The following IGF2BP3 variants were observed in gnomAD, a reference collection of about 807,000 sequenced individuals.
The protein encoded by IGF2BP3 is insulin-like growth factor 2 mRNA-binding protein 3.
IGF2BP3 carries 9 observed loss-of-function variants against 73.8 expected under a neutral mutation model. The ratio of observed to expected loss-of-function variants is 0.12; its 90% CI spans 0.07 to 0.21. The LOEUF (loss-of-function observed/expected upper bound fraction) is 0.21, where lower values mean the gene tolerates loss of function less well. Ranked by LOEUF, IGF2BP3 falls within the 10% of genes least tolerant of loss-of-function variation. IGF2BP3 has a pLI of 1.00. For synonymous variants in IGF2BP3, 258 were observed against 256.7 expected, an observed-to-expected ratio of 1.01 and a Z score of -0.05; for missense variants, 542 against 714.0, an observed-to-expected ratio of 0.76 and a Z score of 2.75.
chr7:23,363,621 G>C (rs571333480), intron 3 of IGF2BP3, among the ~76,000 whole-genome samples: 2 of 152,260 alleles, frequency 1.3e-5, no homozygotes, highest in Non-Finnish European at 2.9e-5. Context: ...AATTTCCTTT[G>C]CATGAGGTAA....
chr7:23,418,870 CA>C, intron 2 of IGF2BP3, 46 bp from the exon 3 acceptor site: 1 of 1,288,908 alleles, frequency 7.8e-7, no homozygotes, highest in Non-Finnish European at 1.1e-6. Context: ...AACATAAAAG[CA>C]AAACAATAAT....
At chr7:23,422,411 G>A (rs145323607) in intron 2 of IGF2BP3, among the ~76,000 whole-genome samples, 13 of 152,122 alleles carry the variant, frequency 8.5e-5, no homozygotes, top group African/African-American at 2.7e-4. Flanking sequence ...TAAAATTAGC[G>A]TGGTGTGGTG....
At chr7:23,331,130 TTTA>T (rs1181719455) in intron 10 of IGF2BP3, among the ~76,000 whole-genome samples, 4 of 152,206 alleles carry the variant, frequency 2.6e-5, no homozygotes, top group African/African-American at 9.6e-5. Context: ...AAAGGCATGA[TTTA>T]TACTAAGATG....
intron 10 of IGF2BP3, among the ~76,000 whole-genome samples, chr7:23,340,945 G>A (rs1466595388): frequency 3.3e-5 from 5 of 151,256 alleles, no homozygotes; most frequent in Non-Finnish European, 7.4e-5. Context: ...TGCCTCCTGG[G>A]TTCAAGCGAT....
intron 10 of IGF2BP3, among the ~76,000 whole-genome samples, chr7:23,334,780 A>G (rs1156404697): frequency 6.6e-6 from 1 of 152,218 alleles, no homozygotes; most frequent in Non-Finnish European, 1.5e-5. Context: ...TCTGCCAATG[A>G]GTAATTCCTA....
At chr7:23,373,517 C>A (rs550884871) in intron 3 of IGF2BP3, among the ~76,000 whole-genome samples, 2 of 152,156 alleles carry the variant, frequency 1.3e-5, no homozygotes, top group East Asian at 3.9e-4. Context: ...AAATATGATT[C>A]AAGGGGCATC....
At chr7:23,446,961 C>G (rs151318307) in intron 2 of IGF2BP3, among the ~76,000 whole-genome samples, 1 of 151,744 alleles carries the variant, frequency 6.6e-6, no homozygotes, top group Admixed American at 6.6e-5. Flanking sequence ...CTAGCACTTT[C>G]GGAGGCTGAG....
intron 2 of IGF2BP3, among the ~76,000 whole-genome samples, chr7:23,452,666 G>GT (rs1337636533): frequency 1.3e-5 from 2 of 151,134 alleles, no homozygotes; most frequent in African/African-American, 4.9e-5. Context: ...AGCTGGGCAA[G>GT]TGGTGGGCAC....
chr7:23,404,568 C>T (rs1045562680), intron 3 of IGF2BP3, among the ~76,000 whole-genome samples: 1 of 152,080 alleles, frequency 6.6e-6, no homozygotes, highest in Non-Finnish European at 1.5e-5. Flanking sequence ...CTTTGTCTAC[C>T]AGATTGGAAT....
At chr7:23,387,812 C>T (rs1786135280) in intron 3 of IGF2BP3, among the ~76,000 whole-genome samples, 1 of 152,188 alleles carries the variant, frequency 6.6e-6, no homozygotes, top group Admixed American at 6.5e-5. Context: ...TGAGATACTA[C>T]ACACCTATGG....
chr7:23,380,807 A>C (rs970361251), intron 3 of IGF2BP3, among the ~76,000 whole-genome samples: 2 of 152,236 alleles, frequency 1.3e-5, no homozygotes, highest in Non-Finnish European at 2.9e-5. Context: ...TGCAGCTACA[A>C]GCCAAGGAAC....
At chr7:23,354,245 G>A (rs1030487544) in intron 5 of IGF2BP3, among the ~76,000 whole-genome samples, 10 of 152,078 alleles carry the variant, frequency 6.6e-5, no homozygotes, top group South Asian at 2.1e-4. Flanking sequence ...CACCCACCTC[G>A]GCCTCCCAAA....
chr7:23,368,339 GAAAA>G (rs1205070374), intron 3 of IGF2BP3, among the ~76,000 whole-genome samples: 14 of 120,674 alleles, frequency 1.2e-4, no homozygotes, highest in South Asian at 5.4e-4. Context: ...AAGAAAGAAA[GAAAA>G]AAAGAAAGAA....
At chr7:23,374,809 A>G (rs1417187284) in intron 3 of IGF2BP3, among the ~76,000 whole-genome samples, 1 of 152,078 alleles carries the variant, frequency 6.6e-6, no homozygotes, top group Non-Finnish European at 1.5e-5. Flanking sequence ...CCGGTCTGAG[A>G]AATAAAGGGA....
At chr7:23,396,123 T>C (rs1475226116) in intron 3 of IGF2BP3, among the ~76,000 whole-genome samples, 1 of 151,368 alleles carries the variant, frequency 6.6e-6, no homozygotes, top group Non-Finnish European at 1.5e-5. Context: ...GAGTGAATAC[T>C]GACCAGCAAG....
At chr7:23,399,413 A>T (rs201581053) in intron 3 of IGF2BP3, among the ~76,000 whole-genome samples, 38,379 of 146,508 alleles carry the variant, frequency 0.26, 4,997 homozygotes, top group South Asian at 0.35. Flanking sequence ...AATTAAATTA[A>T]AAAAAAAAAA....
intron 2 of IGF2BP3, among the ~76,000 whole-genome samples, chr7:23,428,387 G>T (rs1387242167): frequency 6.6e-6 from 1 of 151,732 alleles, no homozygotes; most frequent in South Asian, 2.1e-4. Context: ...CAGGAGAATC[G>T]CTTGAACTCG....
intron 5 of IGF2BP3, among the ~76,000 whole-genome samples, chr7:23,360,240 T>C (rs1785192014): frequency 2.0e-5 from 3 of 152,146 alleles, no homozygotes; most frequent in African/African-American, 7.2e-5. Flanking sequence ...ACACACGACA[T>C]GCAAAAACAG....
intron 3 of IGF2BP3, among the ~76,000 whole-genome samples, chr7:23,409,894 T>C (rs1477561533): frequency 1.3e-5 from 2 of 152,166 alleles, no homozygotes; most frequent in Non-Finnish European, 2.9e-5. Flanking sequence ...TTTGGCCAGG[T>C]GCGATGGCTC....
Sources: allele counts gnomAD v4.1 joint callset (sites outside exome capture counted in the v4.1 genomes callset), GRCh38; gene constraint gnomAD v4.1.1; transcripts MANE v1.5; gene names NCBI Gene and HGNC (gene_info 2026-07-23, HGNC 2026-07-21).